CTXN3: variants seen among roughly 807,000 people sequenced by gnomAD.
CTXN3 encodes cortexin-3.
A neutral mutation model predicts 5.0 loss-of-function variants in CTXN3; 4 were observed. The observed-to-expected ratio is 0.79, with a 90% CI of 0.39 to 1.82. The LOEUF (loss-of-function observed/expected upper bound fraction) is 1.82. Among genes scored for constraint, CTXN3 ranks in the 40% most tolerant of loss-of-function variants. CTXN3 has a pLI of 0.04. For missense variants in CTXN3, 89 were observed against 99.7 expected (o/e 0.89, Z 0.46); for synonymous variants, 48 against 38.6 (o/e 1.24, Z -0.91).
intron 1 of CTXN3, among the ~76,000 whole-genome samples, chr5:127,650,507 C>T (rs184869058): frequency 1.3e-5 from 2 of 152,116 alleles, no homozygotes; most frequent in African/African-American, 2.4e-5. Context: ...TGTATATGAG[C>T]CAAAAACAAG....
At position 127,657,904 on chromosome 5, in the gene CTXN3, T is replaced by TA. The variant is rs948612776; in HGVS notation, c.*138dup. The TA allele has an allele frequency of 5.8e-6, 6 of 1,029,066 alleles. No individual in the cohort carries two copies. In the African/African-American group the frequency reaches 9.7e-5, roughly 17 times the overall value. 63.7% of individuals were successfully genotyped at this position (1,029,066 alleles called of 1,614,324 possible). A position where few individuals can be genotyped will look rare whatever the true frequency, so the allele number is the denominator to read the frequency against. On this transcript the variant is annotated 3_prime_UTR_variant, in exon 3 of 3. Transcript: ENST00000379445. ...GGACCATAATCCATTATTCCATAAA[T>TA]ATGCAGTTGGGTTAAAGACATTTGA...
At chr5:127,649,928 G>A (rs975591550) in intron 1 of CTXN3, among the ~76,000 whole-genome samples, 1 of 152,056 alleles carries the variant, frequency 6.6e-6, no homozygotes, top group Non-Finnish European at 1.5e-5. Context: ...TGGAACAGTA[G>A]GGCTTATTAT....
At chr5:127,656,267 T>C (rs970553033) in intron 2 of CTXN3, among the ~76,000 whole-genome samples, 1 of 152,228 alleles carries the variant, frequency 6.6e-6, no homozygotes, top group Non-Finnish European at 1.5e-5. Context: ...TTTCGTTCAG[T>C]ATCTGAAGCT....
chr5:127,650,376 G>C (rs1749760031), intron 1 of CTXN3, among the ~76,000 whole-genome samples: 1 of 152,166 alleles, frequency 6.6e-6, no homozygotes, highest in African/African-American at 2.4e-5. Context: ...GTAGACTTGA[G>C]TCTATGTTTT....
At position 127,658,501 on chromosome 5, in the gene CTXN3, G is replaced by T. The variant is rs1749967835; in HGVS notation, c.*734G>T. The T allele has an allele frequency of 6.0e-6, 1 of 166,980 alleles. No individual in the cohort carries two copies. Among genetic ancestry groups the T allele is most frequent in the Non-Finnish European group, 1.5e-5 (1 of 68,102 alleles). The allele number at this position is 166,980 out of a possible 1,614,324, so 10.3% of individuals were successfully genotyped here. On this transcript the variant is annotated 3_prime_UTR_variant, in exon 3 of 3. Transcript: ENST00000379445. ...TTTACACAAATGATTTAAAAAATAG[G>T]TTGCAAGTGCAGCTTAAAGTTTTTT... is the stretch of plus-strand genomic sequence containing the variant.
rs1749957646 is a variant in CTXN3, at chr5:127,658,095, A to G, written c.*328A>G. The G allele has an allele frequency of 3.4e-6, 1 of 293,720 alleles. No individual in the cohort carries two copies. The highest frequency in any genetic ancestry group is 6.8e-6 in the Non-Finnish European group (1 of 146,374). The allele number at this position is 293,720 out of a possible 1,614,324, so 18.2% of individuals were successfully genotyped here. A position where few individuals can be genotyped will look rare whatever the true frequency, so the allele number is the denominator to read the frequency against. On this transcript the variant is annotated 3_prime_UTR_variant, in exon 3 of 3. Transcript: ENST00000379445. ...ACAAAACACCACCTGATCTGACTAA[A>G]GAATAAAAGACTAGAAAGGATCTCA...
chr5:127,649,595 C>T (rs1333522620), intron 1 of CTXN3, among the ~76,000 whole-genome samples: 1 of 152,116 alleles, frequency 6.6e-6, no homozygotes, highest in African/African-American at 2.4e-5. Flanking sequence ...ATTTTTAAAG[C>T]ATGGTTAAGT....
At chr5:127,655,508 C>T (rs1256571622) in intron 2 of CTXN3, among the ~76,000 whole-genome samples, 1 of 152,174 alleles carries the variant, frequency 6.6e-6, no homozygotes, top group African/African-American at 2.4e-5. Flanking sequence ...TTTCCTTTGG[C>T]CCAGCCCTTG....
At chr5:127,650,277 G>A (rs1749756678) in intron 1 of CTXN3, among the ~76,000 whole-genome samples, 4 of 152,142 alleles carry the variant, frequency 2.6e-5, no homozygotes. Flanking sequence ...TGCAGCAGTG[G>A]GGGCTGGCAA....
chr5:127,656,815 A>G (rs1749917995), intron 2 of CTXN3, among the ~76,000 whole-genome samples: 1 of 152,152 alleles, frequency 6.6e-6, no homozygotes, highest in Non-Finnish European at 1.5e-5. Context: ...TTGCATTTTT[A>G]CAGCTTAGTG....
chr5:127,658,008 A>G lies in CTXN3; in HGVS notation c.*241A>G. The G allele has an allele frequency of 2.0e-6, 1 of 495,188 alleles. No homozygotes were observed. The highest frequency in any genetic ancestry group is 1.9e-5 in the African/African-American group (1 of 51,338). The allele number at this position is 495,188 out of a possible 1,614,324, so 30.7% of individuals were successfully genotyped here. On this transcript the variant is annotated 3_prime_UTR_variant, in exon 3 of 3. Transcript: ENST00000379445. ...TTTTATGTTTGCTCAATGAATGAGT[A>G]CTCTTAAAATTGTGTGATTGTGAAA...
rs1164711986 is a variant in CTXN3, at chr5:127,657,530, A to T, written c.9A>T (p.Gly3=). 2 of 1,613,824 alleles carry T rather than the reference A, an allele frequency of 1.2e-6. No homozygotes were observed. Among genetic ancestry groups the T allele is most frequent in the Non-Finnish European group, 1.7e-6 (2 of 1,179,932 alleles). Residue 3 remains glycine, a synonymous_variant, in exon 3 of 3, where the codon GGA becomes GGT. Transcript: ENST00000379445. MD[G]GQPIPSSLVP... The stretch of plus-strand genomic sequence containing the variant: ...TCTGGCTTCCCTGGACCATGGATGG[A>T]GGACAGCCCATCCCCTCATCCCTAG...
rs1749963580 is a variant in CTXN3, at chr5:127,658,313, T to C, written c.*546T>C. 1 of 168,474 alleles carries C rather than the reference T, an allele frequency of 5.9e-6. No individual in the cohort carries two copies. The highest frequency in any genetic ancestry group is 1.4e-5 in the Non-Finnish European group (1 of 69,134). 10.4% of individuals were successfully genotyped at this position (168,474 alleles called of 1,614,324 possible). On this transcript the variant is annotated 3_prime_UTR_variant, in exon 3 of 3. Coordinates refer to ENST00000379445, the MANE Select transcript of CTXN3 (RefSeq NM_001048252.3). ...CAATGGAAAAGCTTAAAAGAGATGA[T>C]TCTGTCCTTGGTAAATGTGAGTGAG...
intron 2 of CTXN3, among the ~76,000 whole-genome samples, 174 bp from the exon 3 acceptor site, chr5:127,657,249 A>G (rs1446387294): frequency 6.6e-6 from 1 of 152,140 alleles, no homozygotes; most frequent in East Asian, 1.9e-4. Context: ...CAATCTGGTA[A>G]TTTCATGCAA....
intron 2 of CTXN3, among the ~76,000 whole-genome samples, chr5:127,656,281 A>G (rs1219741865): frequency 2.0e-5 from 3 of 152,182 alleles, no homozygotes; most frequent in Admixed American, 6.5e-5. Flanking sequence ...TGAAGCTTTT[A>G]ACGACCTCTG....
chr5:127,651,385 C>G (rs1156263434), intron 1 of CTXN3, among the ~76,000 whole-genome samples: 1 of 152,104 alleles, frequency 6.6e-6, no homozygotes, highest in East Asian at 1.9e-4. Flanking sequence ...TCACTGCACC[C>G]TACAGGCCGT....
chr5:127,655,276 A>T (rs1201433331), intron 2 of CTXN3, among the ~76,000 whole-genome samples: 1 of 152,198 alleles, frequency 6.6e-6, no homozygotes, highest in Non-Finnish European at 1.5e-5. Flanking sequence ...AATAAAAAAA[A>T]AGACTTTCTG....
At chr5:127,652,517 T>C (rs1375260084) in intron 1 of CTXN3, among the ~76,000 whole-genome samples, 1 of 151,948 alleles carries the variant, frequency 6.6e-6, no homozygotes, top group Non-Finnish European at 1.5e-5. Flanking sequence ...GTACAGGTGA[T>C]GTCTCTGGAG....
Position 127,657,775 on chromosome 5 carries a change from G to T in CTXN3, c.*8G>T, listed in dbSNP as rs1263219360. The T allele has an allele frequency of 2.5e-6, 4 of 1,613,770 alleles. No homozygotes were observed. Among genetic ancestry groups the T allele is most frequent in the African/African-American group, 2.7e-5 (2 of 74,884 alleles). On this transcript the variant is annotated 3_prime_UTR_variant, in exon 3 of 3. Transcript: ENST00000379445. ...GACCATGCCCTTGCTTAGGAGGGAT[G>T]GTGTGGGATCTCCTCCTGAGGAGAT...
Sources: allele counts gnomAD v4.1 joint callset (sites outside exome capture counted in the v4.1 genomes callset), GRCh38; gene constraint gnomAD v4.1.1; transcripts MANE v1.5; gene names NCBI Gene and HGNC (gene_info 2026-07-23, HGNC 2026-07-21).